Variants in DIAPH2 observed in about 807,000 individuals in gnomAD.
The protein encoded by DIAPH2 is diaphanous related formin 2, also known as protein diaphanous homolog 2.
In DIAPH2, 35 loss-of-function variants were observed where a neutral mutation model predicts 92.7. That is an observed-to-expected ratio of 0.38 (90% confidence interval 0.29 to 0.50). DIAPH2 has a LOEUF of 0.50. DIAPH2 is among the 20% of genes least tolerant of loss of function. DIAPH2 has a pLI of 0.94. For missense variants in DIAPH2, 701 were observed against 819.5 expected (o/e 0.86, Z 1.77); for synonymous variants, 301 against 280.4 (o/e 1.07, Z -0.73).
intron 17 of DIAPH2, among the ~76,000 whole-genome samples, chrX:97,053,368 G>T (rs1405630867): frequency 1.8e-5 from 2 of 111,475 alleles, no homozygotes; most frequent in African/African-American, 3.3e-5. Context: ...ATCATGTTCA[G>T]TTCTCTTCAC....
intron 3 of DIAPH2, among the ~76,000 whole-genome samples, chrX:96,746,740 T>C: frequency 9.1e-6 from 1 of 109,932 alleles, no homozygotes. Flanking sequence ...AGAGTGTGGG[T>C]CTTGCTATTT....
rs970866956 is a variant in DIAPH2, at chrX:97,488,202, A to G, written c.3241+58457A>G. Among the ~76,000 whole-genome samples the G allele has an allele frequency of 5.4e-5, 6 of 111,646 alleles. No individual in the cohort carries two copies. The East Asian group carries it at 1.7e-3, about 31-fold the overall frequency. ...GAGATGGGGTTTCTCCATGTTGGTC[A>G]GGCTGGTCTTGAACTCCCAACCTCA... On this transcript the variant is annotated intron_variant, in intron 26 of 26. Transcript: ENST00000324765.
intron 4 of DIAPH2, among the ~76,000 whole-genome samples, chrX:96,856,586 TAA>T (rs34823574): frequency 9.4e-6 from 1 of 105,857 alleles, no homozygotes; most frequent in African/African-American, 3.5e-5. Flanking sequence ...TATATATATT[TAA>T]AAAAAAAGTT....
intron 1 of DIAPH2, among the ~76,000 whole-genome samples, chrX:96,704,931 T>TA (rs1419195829): frequency 9.2e-6 from 1 of 109,025 alleles, no homozygotes; most frequent in Non-Finnish European, 1.9e-5. Context: ...TCCACGTACT[T>TA]ACTCCAAGGG....
rs773572747 is a variant in DIAPH2, at chrX:97,369,190, G to C, written c.3010-14719G>C. 1.3e-4 allele frequency among the ~76,000 whole-genome samples: 14 copies of C among 111,643 alleles called. No homozygotes were observed. The South Asian group carries it at 3.4e-3, about 27-fold the overall frequency. ...CCCACAGTGCTGGGATTACAGGCGT[G>C]AGCCACCGCGACCAGCCAGAATCTA... On this transcript the variant is annotated intron_variant, in intron 24 of 26. Transcript: ENST00000324765.
chrX:97,100,839 T>A (rs182748065), intron 20 of DIAPH2, among the ~76,000 whole-genome samples: 21 of 111,946 alleles, frequency 1.9e-4, no homozygotes, highest in Non-Finnish European at 3.8e-4. Flanking sequence ...ACTGAGCATG[T>A]TCCTTTTGAA....
At chrX:96,804,405 T>C (rs1278457346) in intron 4 of DIAPH2, among the ~76,000 whole-genome samples, 2 of 111,884 alleles carry the variant, frequency 1.8e-5, no homozygotes, top group African/African-American at 3.2e-5. Flanking sequence ...ACATTCCCCA[T>C]TCTCCATTTA....
chrX:97,263,786 C>T (rs963448397), intron 23 of DIAPH2, among the ~76,000 whole-genome samples: 5 of 109,825 alleles, frequency 4.6e-5, no homozygotes, highest in South Asian at 7.6e-4. Flanking sequence ...GGGGTTTCAC[C>T]ATGTTGGCCA....
At chrX:97,261,447 T>G (rs2068287333) in intron 23 of DIAPH2, among the ~76,000 whole-genome samples, 1 of 112,823 alleles carries the variant, frequency 8.9e-6, no homozygotes, top group African/African-American at 3.2e-5. Flanking sequence ...GACTGATTCT[T>G]CATTTTTTTC....
At chrX:97,053,552 T>A (rs931122181) in intron 17 of DIAPH2, among the ~76,000 whole-genome samples, 1 of 110,986 alleles carries the variant, frequency 9.0e-6, no homozygotes, top group Non-Finnish European at 1.9e-5. Flanking sequence ...CCTTTTCTGA[T>A]GTAACTTAGT....
chrX:96,730,471 C>T (rs572649691), intron 1 of DIAPH2, among the ~76,000 whole-genome samples: 31 of 111,007 alleles, frequency 2.8e-4, no homozygotes, highest in Middle Eastern at 9.3e-3. Context: ...GGAAGGCAGG[C>T]CTTTGAATAG....
intron 4 of DIAPH2, among the ~76,000 whole-genome samples, chrX:96,786,311 G>A (rs2064456663): frequency 9.0e-6 from 1 of 111,701 alleles, no homozygotes; most frequent in East Asian, 2.8e-4. Context: ...CTATCCTACT[G>A]TAAGTGCTCA....
At chrX:97,042,222 A>G (rs1013733865) in intron 17 of DIAPH2, among the ~76,000 whole-genome samples, 1 of 112,048 alleles carries the variant, frequency 8.9e-6, no homozygotes, top group Non-Finnish European at 1.9e-5. Context: ...TGATCTATAA[A>G]TGTATTTCTA....
rs773727288 is a variant in DIAPH2, at chrX:97,274,805, G to A, written c.2844+26966G>A. Among the ~76,000 whole-genome samples, 3 of 110,626 alleles carry A rather than the reference G, an allele frequency of 2.7e-5. No homozygotes were observed. In the South Asian group the frequency reaches 1.2e-3, roughly 43 times the overall value. ...GACCCTGTGGCCTACCGCAGTGTTT[G>A]TGTCCCTGGGTACTTGAGATTAGGG... is the stretch of plus-strand genomic sequence containing the variant. On this transcript the variant is annotated intron_variant, in intron 23 of 26. Coordinates refer to ENST00000324765, the MANE Select transcript of DIAPH2 (RefSeq NM_006729.5).
rs186666207 is a variant in DIAPH2, at chrX:97,213,248, C to G, written c.2720-34467C>G. Among the ~76,000 whole-genome samples, 70 of 111,778 alleles carry G rather than the reference C, an allele frequency of 6.3e-4. No individual in the cohort carries two copies. The Middle Eastern group carries it at 0.023, about 37-fold the overall frequency. On this transcript the variant is annotated intron_variant, in intron 22 of 26. Transcript: ENST00000324765. The stretch of plus-strand genomic sequence containing the variant: ...GTTAAAATAATAGACATATTTCAGA[C>G]TCTGACTTCAGTTGAAAACATAGAT...
At chrX:96,990,599 C>T (rs764716148) in intron 17 of DIAPH2, among the ~76,000 whole-genome samples, 4 of 110,584 alleles carry the variant, frequency 3.6e-5, no homozygotes, top group East Asian at 5.7e-4. Flanking sequence ...TTTATTGATA[C>T]GTAATAGTTA....
chrX:96,805,710 T>C (rs1223103155), intron 4 of DIAPH2, among the ~76,000 whole-genome samples: 3 of 111,012 alleles, frequency 2.7e-5, no homozygotes, highest in Non-Finnish European at 3.8e-5. Flanking sequence ...TTGACTTAGA[T>C]TGAAAATATC....
At chrX:96,876,839 A>G (rs938354787) in intron 4 of DIAPH2, among the ~76,000 whole-genome samples, 5 of 110,815 alleles carry the variant, frequency 4.5e-5, no homozygotes, top group Admixed American at 2.9e-4. Flanking sequence ...CAGCACACCA[A>G]CATGGCACAT....
intron 4 of DIAPH2, among the ~76,000 whole-genome samples, chrX:96,843,121 C>T (rs2064947795): frequency 1.8e-5 from 2 of 111,108 alleles, no homozygotes; most frequent in Non-Finnish European, 3.8e-5. Context: ...TGGTTTACCA[C>T]CACCGCCCTG....
Sources: allele counts gnomAD v4.1 joint callset (sites outside exome capture counted in the v4.1 genomes callset), GRCh38; gene constraint gnomAD v4.1.1; transcripts MANE v1.5; gene names NCBI Gene and HGNC (gene_info 2026-07-23, HGNC 2026-07-21).